Variants in TMEM131 observed in about 807,000 individuals in gnomAD.
The protein encoded by TMEM131 is 2610524E03Rik.
TMEM131 carries 66 observed loss-of-function variants against 211.6 expected under a neutral mutation model. The ratio of observed to expected loss-of-function variants is 0.31; its 90% confidence interval spans 0.26 to 0.38. The LOEUF is 0.38. Ranked by LOEUF, TMEM131 falls within the 10% of genes least tolerant of loss-of-function variation. The pLI, the probability that TMEM131 is intolerant of heterozygous loss-of-function variation, is 1.00. For synonymous variants in TMEM131, 844 were observed against 841.3 expected, an observed-to-expected ratio of 1.00 and a Z score of -0.06; for missense variants, 2,036 against 2,299.3, an observed-to-expected ratio of 0.89 and a Z score of 2.34.
chr2:97,808,576 T>C (rs374859908), intron 19 of TMEM131, among the ~76,000 whole-genome samples: 1 of 152,182 alleles, frequency 6.6e-6, no homozygotes, highest in Non-Finnish European at 1.5e-5. Context: ...ACAGTTCAAA[T>C]GATTCACCTG....
In TMEM131 at chr2:97,854,044, G is replaced by A. The variant is rs545014447; in HGVS notation, c.483+5260C>T. Among the ~76,000 whole-genome samples the A allele has an allele frequency of 2.4e-4, 37 of 152,306 alleles. 2 individuals carry two copies. The East Asian group carries it at 3.5e-3, about 14-fold the overall frequency. The stretch of plus-strand genomic sequence containing the variant: ...AAAGTGCTATTAAACAGCATTGCAC[G>A]CTACAGAGAAATCTTTTGTGAAAAG... On this transcript the variant is annotated intron_variant, in intron 5 of 40. Transcript: ENST00000186436.
intron 1 of TMEM131, among the ~76,000 whole-genome samples, chr2:97,951,444 C>T (rs75954342): frequency 0.037 from 5,590 of 152,156 alleles, 137 homozygotes; most frequent in Middle Eastern, 0.082. Context: ...AGAGCATTTC[C>T]CGTGGCTTGT....
At chr2:97,947,666 G>GT (rs1405876886) in intron 1 of TMEM131, among the ~76,000 whole-genome samples, 1 of 151,998 alleles carries the variant, frequency 6.6e-6, no homozygotes, top group Non-Finnish European at 1.5e-5. Context: ...TTCCAATCAA[G>GT]TTTTTTGTTG....
intron 1 of TMEM131, among the ~76,000 whole-genome samples, chr2:97,950,049 A>G (rs1339740254): frequency 6.6e-6 from 1 of 152,062 alleles, no homozygotes; most frequent in East Asian, 1.9e-4. Flanking sequence ...ACACATCACT[A>G]TGTTTTGTGA....
chr2:97,766,510 C>G lies in TMEM131; in HGVS notation c.4541G>C (p.Gly1514Ala). Reference sequence around the variant, plus strand: ...TTTCTGGGCATTTCGTGATTTGGATCCACTTGTCATTGCAGTTGGAAGAGG... The same window carrying G: ...TTTCTGGGCATTTCGTGATTTGGATGCACTTGTCATTGCAGTTGGAAGAGG... The part of the protein sequence containing the change: ...KIPLPTAMTS[G>A]SKSRNAQKTK... Residue 1514 changes from glycine (G) to alanine (A), a missense_variant, in exon 34 of 41, where the codon GGA becomes GCA. Transcript: ENST00000186436. The G allele has an allele frequency of 6.2e-7, 1 of 1,613,974 alleles. No individual in the cohort carries two copies. Among genetic ancestry groups the G allele is most frequent in the Non-Finnish European group, 8.5e-7 (1 of 1,179,886 alleles).
At chr2:97,777,875 G>T (rs1296049468) in intron 31 of TMEM131, among the ~76,000 whole-genome samples, 1 of 151,994 alleles carries the variant, frequency 6.6e-6, no homozygotes, top group Non-Finnish European at 1.5e-5. Flanking sequence ...CAAAAAACAG[G>T]CCCCTGACCT....
chr2:97,982,190 A>G (rs1679828081), intron 1 of TMEM131, among the ~76,000 whole-genome samples: 1 of 152,148 alleles, frequency 6.6e-6, no homozygotes, highest in Non-Finnish European at 1.5e-5. Flanking sequence ...GCCAACATTT[A>G]TTATCCATCT....
chr2:97,848,942 T>TA (rs1683572431), intron 5 of TMEM131, among the ~76,000 whole-genome samples: 1 of 152,048 alleles, frequency 6.6e-6, no homozygotes, highest in Non-Finnish European at 1.5e-5. Context: ...CCTGAACACA[T>TA]AAGGAACTCT....
At chr2:97,877,778 A>G (rs1674759483) in intron 4 of TMEM131, among the ~76,000 whole-genome samples, 2 of 152,254 alleles carry the variant, frequency 1.3e-5, no homozygotes, top group South Asian at 4.1e-4. Context: ...GGGAATACCA[A>G]TCAGGACATA....
At chr2:97,926,011 C>T (rs1573566932) in intron 2 of TMEM131, among the ~76,000 whole-genome samples, 1 of 151,796 alleles carries the variant, frequency 6.6e-6, no homozygotes, top group East Asian at 1.9e-4. Context: ...ACTTGGGAGG[C>T]CTAGGCAGGA....
chr2:97,811,340 T>C (rs1190049486), intron 17 of TMEM131, 108 bp from the exon 18 acceptor site: 3 of 776,884 alleles, frequency 3.9e-6, no homozygotes, highest in Admixed American at 3.6e-5. Flanking sequence ...TCCTAACATA[T>C]ACCAGTATGA....
At chr2:97,961,334 C>T (rs1038681559) in intron 1 of TMEM131, among the ~76,000 whole-genome samples, 3 of 151,946 alleles carry the variant, frequency 2.0e-5, no homozygotes, top group African/African-American at 7.3e-5. Flanking sequence ...ATACAATATA[C>T]AATTGTTGTA....
intron 4 of TMEM131, among the ~76,000 whole-genome samples, chr2:97,860,052 T>C (rs1251048519): frequency 6.6e-6 from 1 of 152,242 alleles, no homozygotes; most frequent in Non-Finnish European, 1.5e-5. Context: ...TCCATTTTAA[T>C]GACTCCCTTG....
At chr2:97,871,946 G>T (rs1399450921) in intron 4 of TMEM131, among the ~76,000 whole-genome samples, 1 of 151,772 alleles carries the variant, frequency 6.6e-6, no homozygotes, top group African/African-American at 2.4e-5. Flanking sequence ...GGGTCGGGGG[G>T]GGAGTGGAGA....
chr2:97,790,447 G>A lies in TMEM131; in HGVS notation c.4144+1939C>T, dbSNP rs115436525. On this transcript the variant is annotated intron_variant, in intron 31 of 40. Transcript: ENST00000186436. ...CACAGGCTCAAGAGTCACCAATAAT[G>A]TGGCATCCATGCTCCCTCACTGAGT... is the stretch of plus-strand genomic sequence containing the variant. Among the ~76,000 whole-genome samples, 456 of 152,320 alleles carry A rather than the reference G, an allele frequency of 3.0e-3. 2 individuals carry two copies. Among genetic ancestry groups the A allele is most frequent in the African/African-American group, 0.01 (433 of 41,574 alleles).
At chr2:97,967,415 T>C (rs1439853580) in intron 1 of TMEM131, among the ~76,000 whole-genome samples, 1 of 151,838 alleles carries the variant, frequency 6.6e-6, no homozygotes, top group Non-Finnish European at 1.5e-5. Context: ...AAGTGTAACA[T>C]AAAACAGTAC....
chr2:97,857,549 T>C (rs1673898764), intron 5 of TMEM131, among the ~76,000 whole-genome samples: 1 of 152,230 alleles, frequency 6.6e-6, no homozygotes. Flanking sequence ...TATAGTGCAA[T>C]TGTGAACTAT....
At chr2:97,852,533 G>T (rs1310035774) in intron 5 of TMEM131, among the ~76,000 whole-genome samples, 1 of 152,234 alleles carries the variant, frequency 6.6e-6, no homozygotes, top group African/African-American at 2.4e-5. Flanking sequence ...TGAAGGCTGA[G>T]AGAGGGGAGG....
At chr2:97,781,882 G>C (rs773000048) in intron 31 of TMEM131, among the ~76,000 whole-genome samples, 1 of 152,170 alleles carries the variant, frequency 6.6e-6, no homozygotes, top group Non-Finnish European at 1.5e-5. Context: ...GCAGGAAAGG[G>C]GCAGCCCAGC....
Sources: gnomAD v4.1 joint callset for allele counts (sites outside exome capture counted in the v4.1 genomes callset) on GRCh38, gnomAD v4.1.1 for gene constraint, MANE v1.5 for transcripts, NCBI Gene and HGNC (gene_info 2026-07-23, HGNC 2026-07-21) for gene names.